RFX7: variants seen among roughly 807,000 people sequenced by gnomAD.
RFX7 encodes the protein DNA-binding protein RFX7.
In RFX7, 26 loss-of-function variants were observed where a neutral mutation model predicts 111.8. That is an observed-to-expected ratio of 0.23 (90% confidence interval 0.17 to 0.32). The LOEUF (loss-of-function observed/expected upper bound fraction) is 0.32, where lower values mean the gene tolerates loss of function less well. RFX7 is among the 10% of genes least tolerant of loss of function. The pLI, the probability that RFX7 is intolerant of heterozygous loss-of-function variation, is 1.00. For synonymous variants in RFX7, 624 were observed against 624.4 expected (o/e 1.00, Z 0.01); for missense variants, 1,573 against 1,772.9 (o/e 0.89, Z 2.02).
At chr15:56,113,572 G>A (rs2041966848) in intron 5 of RFX7, among the ~76,000 whole-genome samples, 1 of 151,954 alleles carries the variant, frequency 6.6e-6, no homozygotes, top group African/African-American at 2.4e-5. Context: ...CTAGGTGACA[G>A]GTTGGTAGGT....
At chr15:56,181,162 C>T (rs1441540139) in intron 2 of RFX7, among the ~76,000 whole-genome samples, 2 of 152,208 alleles carry the variant, frequency 1.3e-5, no homozygotes, top group African/African-American at 2.4e-5. Context: ...GATCTAATCT[C>T]ATACTAGTCT....
chr15:56,160,064 T>C lies in RFX7; in HGVS notation c.196-15581A>G, dbSNP rs138158113. ...CCTCTCATGTTATTCTGTTTGGTTT[T>C]GTTTTTTTAAGCAAGGTTAAAAAAG... is the stretch of plus-strand genomic sequence containing the variant. On this transcript the variant is annotated intron_variant, in intron 3 of 9. Transcript: ENST00000559447. Among the ~76,000 whole-genome samples the C allele has an allele frequency of 1.1e-3, 164 of 152,312 alleles. 1 individual carries two copies. The highest frequency in any genetic ancestry group is 3.8e-3 in the African/African-American group (157 of 41,572).
At chr15:56,220,378 C>T (rs2043412336) in intron 2 of RFX7, among the ~76,000 whole-genome samples, 1 of 152,014 alleles carries the variant, frequency 6.6e-6, no homozygotes, top group African/African-American at 2.4e-5. Context: ...TTACAGGTGC[C>T]TGCCACCATG....
chr15:56,215,522 T>C (rs1340745311), intron 2 of RFX7, among the ~76,000 whole-genome samples: 2 of 152,228 alleles, frequency 1.3e-5, no homozygotes, highest in Non-Finnish European at 2.9e-5. Context: ...GAACCGACTT[T>C]GCCCTCCTGT....
chr15:56,122,819 C>T (rs1267356593), intron 5 of RFX7, among the ~76,000 whole-genome samples: 2 of 152,158 alleles, frequency 1.3e-5, no homozygotes, highest in Non-Finnish European at 2.9e-5. Flanking sequence ...ACCACAGGCC[C>T]ACAGGGAGTA....
intron 2 of RFX7, among the ~76,000 whole-genome samples, chr15:56,218,839 CTGTCT>C (rs776392845): frequency 2.4e-4 from 36 of 152,160 alleles, no homozygotes; most frequent in Non-Finnish European, 4.3e-4. Flanking sequence ...AAATCCATGT[CTGTCT>C]TATTACAAAC....
At chr15:56,243,395 G>A in intron 1 of RFX7, 50 bp downstream of exon 1, 4 of 942,378 alleles carry the variant, frequency 4.2e-6, no homozygotes, top group South Asian at 1.9e-5. Context: ...GGGAGGGGGA[G>A]GGGAAGAGGA....
chr15:56,183,616 G>A (rs534564105), intron 2 of RFX7, among the ~76,000 whole-genome samples: 2 of 152,110 alleles, frequency 1.3e-5, no homozygotes, highest in Admixed American at 6.5e-5. Flanking sequence ...ATTTATTACT[G>A]TTATAAAATT....
chr15:56,117,098 C>T (rs1224992025), intron 5 of RFX7, among the ~76,000 whole-genome samples: 1 of 151,982 alleles, frequency 6.6e-6, no homozygotes, highest in East Asian at 1.9e-4. Flanking sequence ...GCTGGTAATA[C>T]GAGGGTATTC....
rs187696267 is a variant in RFX7 at position 56,224,617 on chromosome 15, A to C, written c.161+18508T>G. On this transcript the variant is annotated intron_variant, in intron 2 of 9. Coordinates refer to ENST00000559447, the MANE Select transcript of RFX7 (RefSeq NM_022841.7). ...TAAACATTTTAATGACTACATAGCC[A>C]TTCACATTTTCCCATTTTCCTCTGT... 7.9e-5 allele frequency among the ~76,000 whole-genome samples: 12 copies of C among 152,212 alleles called. No individual in the cohort carries two copies. In the South Asian group the frequency reaches 1.5e-3, roughly 18 times the overall value.
intron 3 of RFX7, among the ~76,000 whole-genome samples, chr15:56,174,700 T>C (rs1337996213): frequency 6.6e-6 from 1 of 152,084 alleles, no homozygotes; most frequent in Non-Finnish European, 1.5e-5. Flanking sequence ...TGAGCCGAGA[T>C]TGCACCACTG....
rs574029280 is a variant in RFX7 at position 56,096,779 on chromosome 15, A to G, written c.1108-159T>C. 1.1e-4 allele frequency among the ~76,000 whole-genome samples: 16 copies of G among 152,334 alleles called. No homozygotes were observed. The East Asian group carries it at 2.9e-3, about 28-fold the overall frequency. On this transcript the variant is annotated intron_variant, in intron 9 of 9. Transcript: ENST00000559447. ...GTTCTTCTAGACCAGGTTCTACACA[A>G]TCAGACACATAAATGTAACAAATGC... is the stretch of plus-strand genomic sequence containing the variant.
intron 3 of RFX7, among the ~76,000 whole-genome samples, chr15:56,167,093 G>A (rs1381395736): frequency 3.3e-5 from 5 of 152,000 alleles, no homozygotes; most frequent in Non-Finnish European, 5.9e-5. Flanking sequence ...TTGAGGCCAG[G>A]AGTTGATTCA....
intron 5 of RFX7, among the ~76,000 whole-genome samples, chr15:56,137,170 G>A (rs1322034408): frequency 1.1e-4 from 17 of 152,146 alleles, no homozygotes; most frequent in Middle Eastern, 3.4e-3. Flanking sequence ...CTATTGATTG[G>A]AATAGTTTCA....
intron 2 of RFX7, among the ~76,000 whole-genome samples, chr15:56,194,541 A>G (rs2043129582): frequency 1.3e-5 from 2 of 152,080 alleles, no homozygotes; most frequent in African/African-American, 4.8e-5. Context: ...AGCAAAACTT[A>G]TTTTTACCTT....
At chr15:56,111,662 A>AAAAAAAAAAAAAAAAAACC (rs2041934845) in intron 5 of RFX7, among the ~76,000 whole-genome samples, 1 of 24,240 alleles carries the variant, frequency 4.1e-5, no homozygotes, top group African/African-American at 1.1e-4. Context: ...TAAATAAACC[A>AAAAAAAAAAAAAAAAAACC]AAAAAAAAAA....
intron 2 of RFX7, among the ~76,000 whole-genome samples, chr15:56,233,988 A>G (rs1196973145): frequency 1.3e-5 from 2 of 152,192 alleles, no homozygotes; most frequent in African/African-American, 2.4e-5. Flanking sequence ...CACTGTCATC[A>G]TAACTCTGAA....
chr15:56,228,764 T>TC (rs1232606359), intron 2 of RFX7, among the ~76,000 whole-genome samples: 1 of 151,772 alleles, frequency 6.6e-6, no homozygotes, highest in Non-Finnish European at 1.5e-5. Flanking sequence ...AATAAAGTAG[T>TC]CCCCCCTCAT....
chr15:56,095,738 A>G lies in RFX7; in HGVS notation c.1990T>C (p.Leu664=), dbSNP rs552123695. 14 of 1,613,920 alleles carry G rather than the reference A, an allele frequency of 8.7e-6. No individual in the cohort carries two copies. The highest frequency in any genetic ancestry group is 6.7e-5 in the African/African-American group (5 of 75,006). Residue 664 remains leucine, a synonymous_variant, in exon 10 of 10, where the codon TTG becomes CTG. Coordinates refer to ENST00000559447, the MANE Select transcript of RFX7 (RefSeq NM_022841.7). ...ACAGGAGGCACCTGGGTCTCCTGCAATGTAGAAGACAGTCGTTTTCTTGGG... is the reference window on the plus strand; with the variant it reads ...ACAGGAGGCACCTGGGTCTCCTGCAGTGTAGAAGACAGTCGTTTTCTTGGG... The part of the protein sequence containing the change: ...KSPRKRLSST[L]QETQVPPVKK...
Sources: allele counts gnomAD v4.1 joint callset (sites outside exome capture counted in the v4.1 genomes callset), GRCh38; gene constraint gnomAD v4.1.1; transcripts MANE v1.5; gene names NCBI Gene and HGNC (gene_info 2026-07-23, HGNC 2026-07-21).